Variants in XPO4 observed in about 807,000 individuals in gnomAD.
The protein encoded by XPO4 is exportin-4.
A neutral mutation model predicts 143.0 loss-of-function variants in XPO4; 39 were observed. That is an observed-to-expected ratio of 0.27 (90% CI 0.21 to 0.36). XPO4 has a LOEUF of 0.36. XPO4 is among the 10% of genes least tolerant of loss of function. The probability of loss-of-function intolerance (pLI) is 1.00; values close to 1 mark genes in which losing one functional copy is unlikely to be tolerated. For missense variants in XPO4, 907 were observed against 1,348.0 expected, an observed-to-expected ratio of 0.67 and a Z score of 5.12; for synonymous variants, 439 against 474.0, an observed-to-expected ratio of 0.93 and a Z score of 0.96.
chr13:20,787,845 C>T (rs921622677), intron 20 of XPO4, among the ~76,000 whole-genome samples: 2 of 152,062 alleles, frequency 1.3e-5, no homozygotes, highest in East Asian at 3.9e-4. Context: ...ACGATACATA[C>T]AACTTATTAA....
intron 20 of XPO4, 101 bp from the exon 21 acceptor site, chr13:20,787,699 TG>T (rs1369011401): frequency 2.3e-6 from 2 of 877,374 alleles, no homozygotes; most frequent in Non-Finnish European, 3.6e-6. Context: ...TTTCTAGAAA[TG>T]AATACAGATA....
chr13:20,874,090 C>T (rs1400021726), intron 1 of XPO4, among the ~76,000 whole-genome samples: 2 of 152,242 alleles, frequency 1.3e-5, no homozygotes, highest in East Asian at 3.9e-4. Context: ...AAAGCCCATG[C>T]TTTGAACCTC....
chr13:20,877,227 G>C (rs961050265), intron 1 of XPO4, among the ~76,000 whole-genome samples: 21 of 152,256 alleles, frequency 1.4e-4, no homozygotes, highest in African/African-American at 4.8e-4. Flanking sequence ...GTAAGTAAAA[G>C]ACAATTTATA....
chr13:20,804,749 T>C (rs1451550920), intron 13 of XPO4, among the ~76,000 whole-genome samples: 3 of 152,178 alleles, frequency 2.0e-5, no homozygotes, highest in Non-Finnish European at 4.4e-5. Context: ...GCACTCAGTT[T>C]CTCATATTTT....
chr13:20,846,495 C>G (rs17059280), intron 4 of XPO4, among the ~76,000 whole-genome samples: 5,789 of 152,212 alleles, frequency 0.038, 379 homozygotes, highest in African/African-American at 0.13. Context: ...TCCAAAACAG[C>G]AAACTTCCAC....
intron 1 of XPO4, among the ~76,000 whole-genome samples, chr13:20,871,930 T>C (rs1161189116): frequency 6.6e-6 from 1 of 152,212 alleles, no homozygotes; most frequent in Non-Finnish European, 1.5e-5. Context: ...AATATTATCA[T>C]ACAAACAATA....
rs773303913 is a variant in XPO4 at position 20,862,717 on chromosome 13, T to C, written c.317A>G (p.Asn106Ser). ...CAGCAGTCCCCCTCCATGTACTTAC[T>C]TGGGCCTTTGTAAGACATAGGTTAA... Reference protein sequence around the residue: ...FLLTYVLQRPNLQKYVREQIL... With the variant: ...FLLTYVLQRPSLQKYVREQIL... Residue 106 changes from asparagine (N) to serine (S), a missense_variant and splice_region_variant, in exon 3 of 23, where the codon AAC (asparagine) becomes AGC (serine). By Grantham distance (46) the Asn-to-Ser change is conservative (BLOSUM62 1). Transcript: ENST00000255305. 3.7e-6 allele frequency: 6 copies of C among 1,613,970 alleles called. No homozygotes were observed. Among genetic ancestry groups the C allele is most frequent in the Middle Eastern group, 1.6e-4 (1 of 6,084 alleles).
intron 9 of XPO4, among the ~76,000 whole-genome samples, chr13:20,814,576 C>T (rs1384706159): frequency 6.6e-6 from 1 of 152,238 alleles, no homozygotes; most frequent in Admixed American, 6.5e-5. Context: ...AAACTGAAAC[C>T]TAACCTAGCG....
Position 20,862,790 on chromosome 13 carries a change from A to T in XPO4, c.244T>A (p.Trp82Arg). 6.2e-7 allele frequency: 1 copy of T among 1,614,096 alleles called. No homozygotes were observed. The highest frequency in any genetic ancestry group is 8.5e-7 in the Non-Finnish European group (1 of 1,180,010). ...TAIMEAVVRE[W>R]ILLEKGSIES... ...ATGCTACCTTTTTCCAAGAGAATCC[A>T]CTCTCGGACAACTGCTTCCATTATG... The change falls in exon 3 of 23, where the codon TGG becomes AGG. Residue 82 changes from tryptophan (W) to arginine (R), a missense_variant. By Grantham distance (101) the Trp-to-Arg change is moderately radical. Transcript: ENST00000255305.
chr13:20,870,968 C>G (rs2060291724), intron 1 of XPO4, among the ~76,000 whole-genome samples: 1 of 151,840 alleles, frequency 6.6e-6, no homozygotes, highest in African/African-American at 2.4e-5. Context: ...GCGCCAAGCC[C>G]AGCTAATTTT....
In XPO4 at chr13:20,895,753, G is replaced by A. The variant is rs572192219; in HGVS notation, c.69+6917C>T. Among the ~76,000 whole-genome samples the A allele has an allele frequency of 4.6e-5, 7 of 151,248 alleles. No homozygotes were observed. The South Asian group carries it at 1.0e-3, about 23-fold the overall frequency. On this transcript the variant is annotated intron_variant, in intron 1 of 22. Coordinates refer to ENST00000255305, the MANE Select transcript of XPO4 (RefSeq NM_022459.5). ...CATATATTCTATTCTGCAATTTTTC[G>A]TCTTATTTTGAGTATCTTTCCATGT...
chr13:20,831,560 G>A (rs1443075216), intron 6 of XPO4, among the ~76,000 whole-genome samples: 1 of 151,900 alleles, frequency 6.6e-6, no homozygotes, highest in Non-Finnish European at 1.5e-5. Flanking sequence ...GAATTTTCTT[G>A]GGCTATGGCT....
chr13:20,859,811 AG>A, intron 3 of XPO4: 1 of 930,838 alleles, frequency 1.1e-6, no homozygotes, highest in Non-Finnish European at 1.3e-6. Flanking sequence ...ACAAATAAAA[AG>A]GAAAAAAAAA....
intron 6 of XPO4, among the ~76,000 whole-genome samples, chr13:20,837,322 C>T (rs1311249053): frequency 6.6e-6 from 1 of 152,156 alleles, no homozygotes; most frequent in Non-Finnish European, 1.5e-5. Context: ...CAAGACACCA[C>T]CAAATGTCCC....
intron 15 of XPO4, among the ~76,000 whole-genome samples, 193 bp downstream of exon 15, chr13:20,799,963 T>C (rs376145968): frequency 1.1e-4 from 16 of 152,224 alleles, no homozygotes; most frequent in African/African-American, 3.4e-4. Flanking sequence ...AATTATAAGA[T>C]GGGAAAGCTC....
chr13:20,863,114 G>A, intron 2 of XPO4: 1 of 1,136,802 alleles, frequency 8.8e-7, no homozygotes, highest in Non-Finnish European at 1.1e-6. Flanking sequence ...TACTTCCAAA[G>A]CATGAAGAAC....
intron 6 of XPO4, among the ~76,000 whole-genome samples, chr13:20,837,892 C>A (rs2059934135): frequency 6.6e-6 from 1 of 152,148 alleles, no homozygotes; most frequent in South Asian, 2.1e-4. Context: ...CGGGGTCCCT[C>A]CCACAACACA....
intron 1 of XPO4, among the ~76,000 whole-genome samples, chr13:20,892,229 C>A (rs2060525156): frequency 6.6e-6 from 1 of 151,972 alleles, no homozygotes; most frequent in African/African-American, 2.4e-5. Flanking sequence ...TGGGATTACA[C>A]ACATGCACCA....
intron 4 of XPO4, chr13:20,848,765 G>A (rs2060053559): frequency 1.0e-6 from 1 of 985,042 alleles, no homozygotes; most frequent in African/African-American, 1.7e-5. Flanking sequence ...ACAGAAGTTG[G>A]AAAATAAATG....
Sources: allele counts gnomAD v4.1 joint callset (sites outside exome capture counted in the v4.1 genomes callset), GRCh38; gene constraint gnomAD v4.1.1; transcripts MANE v1.5; gene names NCBI Gene and HGNC (gene_info 2026-07-23, HGNC 2026-07-21).